The following GLT1D1 variants were observed in gnomAD, a reference collection of about 807,000 sequenced individuals.
GLT1D1 encodes glycosyltransferase 1 domain containing 1.
A neutral mutation model predicts 28.7 loss-of-function variants in GLT1D1; 21 were observed. That is an observed-to-expected ratio of 0.73 (90% confidence interval 0.52 to 1.05). The LOEUF (loss-of-function observed/expected upper bound fraction) is 1.05. GLT1D1 is among the 50% of genes least tolerant of loss of function. The pLI, the probability that GLT1D1 is intolerant of heterozygous loss-of-function variation, is 0.00. For missense variants in GLT1D1, 343 were observed against 330.6 expected, an observed-to-expected ratio of 1.04 and a Z score of -0.29; for synonymous variants, 147 against 124.8, an observed-to-expected ratio of 1.18 and a Z score of -1.19.
At chr12:128,882,137 A>C (rs1225598578) in intron 2 of GLT1D1, among the ~76,000 whole-genome samples, 4 of 152,188 alleles carry the variant, frequency 2.6e-5, no homozygotes, top group Non-Finnish European at 5.9e-5. Flanking sequence ...GAGAAGTGGA[A>C]GTTTGCTTTT....
chr12:128,866,231 G>C (rs987008152), intron 1 of GLT1D1, among the ~76,000 whole-genome samples: 9 of 151,914 alleles, frequency 5.9e-5, no homozygotes, highest in African/African-American at 2.2e-4. Context: ...ACCATGCGTG[G>C]CTAATTTTTT....
chr12:128,947,363 G>A lies in GLT1D1; in HGVS notation c.445G>A (p.Glu149Lys), dbSNP rs367831191. Residue 149 changes from glutamate (E) to lysine (K), a missense_variant, in exon 6 of 8, where the codon GAG becomes AAG. Glu to Lys is a moderately conservative substitution (Grantham distance 56). Transcript: ENST00000281703. ...AGCCGCTGGGGTACGATTGATTGGA[G>A]AGATGCCTCAAGAAGATCTGCACGC... 1.2e-6 allele frequency: 2 copies of A among 1,613,986 alleles called. No individual in the cohort carries two copies. Among genetic ancestry groups the A allele is most frequent in the African/African-American group, 2.7e-5 (2 of 74,926 alleles).
chr12:128,915,950 A>G, intron 4 of GLT1D1, among the ~76,000 whole-genome samples: 1 of 152,214 alleles, frequency 6.6e-6, no homozygotes, highest in East Asian at 1.9e-4. Context: ...TACCCATGTG[A>G]CAAATACCCC....
chr12:128,931,507 C>T (rs1873884355), intron 4 of GLT1D1, among the ~76,000 whole-genome samples: 1 of 151,704 alleles, frequency 6.6e-6, no homozygotes, highest in African/African-American at 2.4e-5. Context: ...GGGGTTTCAC[C>T]ATGTTGGCCA....
intron 7 of GLT1D1, among the ~76,000 whole-genome samples, chr12:128,976,759 C>T (rs918442564): frequency 6.6e-6 from 1 of 152,196 alleles, no homozygotes; most frequent in African/African-American, 2.4e-5. Context: ...GCTTTTGCTT[C>T]TCGTGGAGGA....
Position 128,969,581 on chromosome 12 carries a change from G to A in GLT1D1, c.639+11938G>A, listed in dbSNP as rs539018626. The stretch of plus-strand genomic sequence containing the variant: ...AGGACGCGGGTGAGCCACAAGGTGG[G>A]GCTCACTGCTCAGGCACAGAGGCTG... On this transcript the variant is annotated intron_variant, in intron 7 of 7. Coordinates refer to ENST00000281703, the MANE Select transcript of GLT1D1 (RefSeq NM_144669.3). Among the ~76,000 whole-genome samples, 9 of 152,286 alleles carry A rather than the reference G, an allele frequency of 5.9e-5. No individual in the cohort carries two copies. In the South Asian group the frequency reaches 1.9e-3, roughly 32 times the overall value.
At chr12:128,864,535 T>A (rs753551469) in intron 1 of GLT1D1, among the ~76,000 whole-genome samples, 2 of 151,778 alleles carry the variant, frequency 1.3e-5, no homozygotes, top group African/African-American at 4.8e-5. Context: ...TAGTGGCAGG[T>A]GGAAGCCCAG....
chr12:128,899,231 A>G lies in GLT1D1; in HGVS notation c.324-5A>G, dbSNP rs1444839976. The G allele has an allele frequency of 6.2e-7, 1 of 1,609,372 alleles. No individual in the cohort carries two copies. The highest frequency in any genetic ancestry group is 8.5e-7 in the Non-Finnish European group (1 of 1,175,674). ...TTGTTTCTATTATTTTTGTTCATTT[A>G]CTAGATTTGCTGTCGCTTTCACAGA... is the stretch of plus-strand genomic sequence containing the variant. On this transcript the variant is annotated splice_region_variant and splice_polypyrimidine_tract_variant and intron_variant, in intron 3 of 7. Transcript: ENST00000281703.
chr12:128,931,942 A>C (rs1393229247), intron 4 of GLT1D1, among the ~76,000 whole-genome samples: 1 of 121,886 alleles, frequency 8.2e-6, no homozygotes, highest in Non-Finnish European at 1.9e-5. Flanking sequence ...CACACACACA[A>C]CGTTGGCCTT....
At chr12:128,874,100 C>CTTTCTG (rs1219784154) in intron 1 of GLT1D1, among the ~76,000 whole-genome samples, 1 of 43,030 alleles carries the variant, frequency 2.3e-5, no homozygotes, top group African/African-American at 1.1e-4. Context: ...TTCTTTCTTT[C>CTTTCTG]TCTCTCTCTC....
chr12:128,979,828 C>T (rs532949675), intron 7 of GLT1D1, among the ~76,000 whole-genome samples: 3 of 152,110 alleles, frequency 2.0e-5, no homozygotes, highest in Non-Finnish European at 4.4e-5. Context: ...CCTACCTCAT[C>T]AGTGCTCAGA....
At chr12:128,894,110 C>T (rs982978249) in intron 3 of GLT1D1, among the ~76,000 whole-genome samples, 1 of 152,206 alleles carries the variant, frequency 6.6e-6, no homozygotes, top group African/African-American at 2.4e-5. Flanking sequence ...GCCAGCAGAA[C>T]AACCCATGCT....
At chr12:128,894,265 G>A (rs1035821590) in intron 3 of GLT1D1, among the ~76,000 whole-genome samples, 8 of 152,114 alleles carry the variant, frequency 5.3e-5, no homozygotes, top group Non-Finnish European at 1.2e-4. Context: ...AATGTGCCTC[G>A]ACTGGTGACA....
At chr12:128,958,978 C>G (rs1476620048) in intron 7 of GLT1D1, among the ~76,000 whole-genome samples, 1 of 151,306 alleles carries the variant, frequency 6.6e-6, no homozygotes, top group East Asian at 2.0e-4. Context: ...GCTGGGACTA[C>G]AGGCATGCAC....
intron 4 of GLT1D1, among the ~76,000 whole-genome samples, chr12:128,919,984 TCTCTCTCCCC>T (rs567003245): frequency 0.15 from 793 of 5,118 alleles, 36 homozygotes; most frequent in African/African-American, 0.21. Flanking sequence ...TCTCTCTCTC[TCTCTCTCCCC>T]CTCCATCTCT....
chr12:128,878,558 A>G (rs1353022851), intron 2 of GLT1D1, among the ~76,000 whole-genome samples: 1 of 152,078 alleles, frequency 6.6e-6, no homozygotes, highest in Non-Finnish European at 1.5e-5. Flanking sequence ...TTCTGAAAGT[A>G]TTATTTCTAG....
chr12:128,957,477 T>C lies in GLT1D1; in HGVS notation c.541-68T>C. On this transcript the variant is annotated intron_variant, in intron 6 of 7. Transcript: ENST00000281703. ...CCCAAGAAGTTATTCTGCCCCGCCC[T>C]GACTCATCTTGCCGCAGAGGCTCTT... is the stretch of plus-strand genomic sequence containing the variant. 3.8e-6 allele frequency: 4 copies of C among 1,053,052 alleles called. No homozygotes were observed. In the South Asian group the frequency reaches 3.8e-5, roughly 10 times the overall value. 65.2% of individuals were successfully genotyped at this position (1,053,052 alleles called of 1,614,324 possible). A position where few individuals can be genotyped will look rare whatever the true frequency, so the allele number is the denominator to read the frequency against.
intron 4 of GLT1D1, among the ~76,000 whole-genome samples, chr12:128,907,336 C>T (rs988853555): frequency 3.5e-5 from 5 of 143,182 alleles, no homozygotes; most frequent in Admixed American, 1.4e-4. Flanking sequence ...GACCGAGTCT[C>T]GCTTTGTTGC....
chr12:128,915,894 C>A (rs1179432034), intron 4 of GLT1D1, among the ~76,000 whole-genome samples: 1 of 152,108 alleles, frequency 6.6e-6, no homozygotes, highest in Non-Finnish European at 1.5e-5. Flanking sequence ...CAGTGAAATG[C>A]AGAGATCTCA....
Sources: allele counts gnomAD v4.1 joint callset (sites outside exome capture counted in the v4.1 genomes callset), GRCh38; gene constraint gnomAD v4.1.1; transcripts MANE v1.5; gene names NCBI Gene and HGNC (gene_info 2026-07-23, HGNC 2026-07-21).